The following PTPRD variants were observed in gnomAD, a reference collection of about 807,000 sequenced individuals.
PTPRD encodes protein tyrosine phosphatase receptor type D.
Under a neutral mutation model 214.5 loss-of-function variants are expected in PTPRD, and 34 were observed. That is an observed-to-expected ratio of 0.16 (90% confidence interval 0.12 to 0.21). The LOEUF (loss-of-function observed/expected upper bound fraction) is 0.21. Ranked by LOEUF, PTPRD falls within the 10% of genes least tolerant of loss-of-function variation. The pLI is 1.00. For synonymous variants in PTPRD, 1,128 were observed against 845.7 expected (o/e 1.33, Z -5.79); for missense variants, 2,545 against 2,398.7 (o/e 1.06, Z -1.27).
chr9:9,647,898 A>C (rs1219196092), intron 7 of PTPRD, among the ~76,000 whole-genome samples: 1 of 152,194 alleles, frequency 6.6e-6, no homozygotes. Context: ...TCTGAGAAAC[A>C]CTTAAGTCCC....
intron 36 of PTPRD, among the ~76,000 whole-genome samples, chr9:8,398,885 T>C (rs779703912): frequency 2.0e-5 from 3 of 152,112 alleles, no homozygotes; most frequent in Non-Finnish European, 2.9e-5. Flanking sequence ...TATTTTGTTA[T>C]AGCAGCACAA....
chr9:8,689,850 G>C (rs1028232156), intron 12 of PTPRD, among the ~76,000 whole-genome samples: 1 of 152,156 alleles, frequency 6.6e-6, no homozygotes, highest in African/African-American at 2.4e-5. Context: ...GTTCATGCCT[G>C]TAATCCCAGC....
chr9:10,394,386 T>G (rs1304576329), intron 2 of PTPRD, among the ~76,000 whole-genome samples: 1 of 151,622 alleles, frequency 6.6e-6, no homozygotes, highest in Non-Finnish European at 1.5e-5. Flanking sequence ...TCTTGAATAA[T>G]TTGGCAATAA....
chr9:9,631,193 AT>A (rs2095578874), intron 7 of PTPRD, among the ~76,000 whole-genome samples: 3 of 48,118 alleles, frequency 6.2e-5, no homozygotes, highest in Non-Finnish European at 1.5e-4. Flanking sequence ...TATCTCATTC[AT>A]AAATAAATAA....
chr9:9,206,703 T>A (rs917221447), intron 9 of PTPRD, among the ~76,000 whole-genome samples: 1 of 152,184 alleles, frequency 6.6e-6, no homozygotes, highest in Non-Finnish European at 1.5e-5. Flanking sequence ...CTTCCTGGCC[T>A]TGAACATCAG....
chr9:8,601,561 G>A (rs2094866212), intron 14 of PTPRD, among the ~76,000 whole-genome samples: 1 of 152,160 alleles, frequency 6.6e-6, no homozygotes, highest in Admixed American at 6.5e-5. Context: ...CCATTTGTTT[G>A]GGAGAAAGTA....
intron 5 of PTPRD, among the ~76,000 whole-genome samples, chr9:9,911,426 C>T (rs984242799): frequency 4.7e-5 from 7 of 147,684 alleles, no homozygotes; most frequent in Admixed American, 1.4e-4. Flanking sequence ...CATTTAGAAA[C>T]GCAAATACAC....
intron 5 of PTPRD, among the ~76,000 whole-genome samples, chr9:9,768,218 T>C (rs1470818364): frequency 6.6e-6 from 1 of 152,150 alleles, no homozygotes; most frequent in Non-Finnish European, 1.5e-5. Flanking sequence ...TGTAGACTAC[T>C]TACATACCCT....
chr9:8,422,167 A>G (rs2094413426), intron 35 of PTPRD, among the ~76,000 whole-genome samples: 1 of 151,038 alleles, frequency 6.6e-6, no homozygotes. Flanking sequence ...AAAAAAAAAA[A>G]AAAAAAAAGG....
At chr9:10,111,182 T>A (rs936627658) in intron 3 of PTPRD, among the ~76,000 whole-genome samples, 1 of 151,508 alleles carries the variant, frequency 6.6e-6, no homozygotes, top group Non-Finnish European at 1.5e-5. Flanking sequence ...AATAATTCTA[T>A]GCAAATGAAA....
chr9:9,323,064 C>T (rs1365346960), intron 9 of PTPRD, among the ~76,000 whole-genome samples: 1 of 151,934 alleles, frequency 6.6e-6, no homozygotes, highest in Non-Finnish European at 1.5e-5. Context: ...TTTTTTGCAA[C>T]ATTAGGGTAT....
chr9:8,795,709 TAG>T (rs1426098822), intron 11 of PTPRD, among the ~76,000 whole-genome samples: 2 of 152,314 alleles, frequency 1.3e-5, no homozygotes, highest in East Asian at 1.9e-4. Flanking sequence ...CCAAAAATTT[TAG>T]AGTTAGAAAA....
intron 5 of PTPRD, among the ~76,000 whole-genome samples, chr9:9,895,719 A>T (rs1016714677): frequency 6.6e-6 from 1 of 152,074 alleles, no homozygotes; most frequent in Non-Finnish European, 1.5e-5. Context: ...AAATGGTAAG[A>T]ATGAGCAATT....
At chr9:8,864,489 C>T (rs1462641056) in intron 11 of PTPRD, among the ~76,000 whole-genome samples, 3 of 152,196 alleles carry the variant, frequency 2.0e-5, no homozygotes, top group Non-Finnish European at 2.9e-5. Flanking sequence ...GCTAGTAAGA[C>T]TTCTGCGTCC....
Position 9,372,973 on chromosome 9 carries a change from T to A in PTPRD, c.-203+24476A>T, listed in dbSNP as rs77196109. Among the ~76,000 whole-genome samples the A allele has an allele frequency of 4.7e-3, 711 of 152,184 alleles. 3 individuals are homozygous for A. Among genetic ancestry groups the A allele is most frequent in the African/African-American group, 0.016 (658 of 41,552 alleles). The stretch of plus-strand genomic sequence containing the variant: ...CCTTTTAATATTACCCCACAAAAAA[T>A]ACCAGTTTAGAGTCTCACAAAATAT... On this transcript the variant is annotated intron_variant, in intron 9 of 45. Transcript: ENST00000381196.
At chr9:9,691,319 T>G (rs1258252887) in intron 7 of PTPRD, among the ~76,000 whole-genome samples, 2 of 152,012 alleles carry the variant, frequency 1.3e-5, no homozygotes, top group Non-Finnish European at 2.9e-5. Context: ...AAACCATCCT[T>G]ATATTCTGTT....
chr9:9,028,279 A>G (rs575722673), intron 10 of PTPRD, among the ~76,000 whole-genome samples: 1 of 152,072 alleles, frequency 6.6e-6, no homozygotes, highest in African/African-American at 2.4e-5. Flanking sequence ...GTCTTCCGTA[A>G]TACTATTATG....
At chr9:8,378,021 A>C (rs1343236253) in intron 37 of PTPRD, among the ~76,000 whole-genome samples, 1 of 152,114 alleles carries the variant, frequency 6.6e-6, no homozygotes, top group Non-Finnish European at 1.5e-5. Context: ...CTTTATAGCT[A>C]TACAGTAAGC....
chr9:9,216,654 A>G lies in PTPRD; in HGVS notation c.-202-33291T>C, dbSNP rs558886738. On this transcript the variant is annotated intron_variant, in intron 9 of 45. Transcript: ENST00000381196. ...ATTGTAGGTGTTCTTATAAGTCTTCAGCTTGGGTCTAGAAAGACCAAGCTT... is the reference window on the plus strand; with the variant it reads ...ATTGTAGGTGTTCTTATAAGTCTTCGGCTTGGGTCTAGAAAGACCAAGCTT... 1.1e-4 allele frequency among the ~76,000 whole-genome samples: 16 copies of G among 152,254 alleles called. No homozygotes were observed. The East Asian group carries it at 3.1e-3, about 29-fold the overall frequency.
Sources: allele counts gnomAD v4.1 joint callset (sites outside exome capture counted in the v4.1 genomes callset), GRCh38; gene constraint gnomAD v4.1.1; transcripts MANE v1.5; gene names NCBI Gene and HGNC (gene_info 2026-07-23, HGNC 2026-07-21).